ERCC6L: variants seen among roughly 807,000 people sequenced by gnomAD.
ERCC6L encodes the protein ERCC excision repair 6 like, spindle assembly checkpoint helicase.
A neutral mutation model predicts 20.1 loss-of-function variants in ERCC6L; 7 were observed. The ratio of observed to expected loss-of-function variants is 0.35; its 90% CI spans 0.20 to 0.65. The LOEUF (loss-of-function observed/expected upper bound fraction) is 0.65. ERCC6L is among the 30% of genes least tolerant of loss of function. The probability of loss-of-function intolerance (pLI) is 0.69; values close to 1 mark genes in which losing one functional copy is unlikely to be tolerated. For missense variants in ERCC6L, 592 were observed against 892.4 expected (o/e 0.66, Z 4.29); for synonymous variants, 278 against 331.3 (o/e 0.84, Z 1.75).
In ERCC6L at chrX:72,207,862, G is replaced by A. The variant is rs775318402; in HGVS notation, c.905C>T (p.Ala302Val). The change falls in exon 2 of 2, where the codon GCT (alanine) becomes GTT (valine). Residue 302 changes from alanine to valine, a missense_variant. Physicochemically the swap from Ala to Val is moderately conservative, Grantham distance 64. Around this residue, in one of 3 missense-constraint regions of ERCC6L, gnomAD observed 196 missense variants for 440.1 expected, o/e 0.45. Transcript: ENST00000334463. ...TCCCAAGGCTTTTTCTCCTGGGGTAGCATCCTTCTCTCTTGCTCTAGTAAT... is the reference window on the plus strand; with the variant it reads ...TCCCAAGGCTTTTTCTCCTGGGGTAACATCCTTCTCTCTTGCTCTAGTAAT... ...NPITRAREKD[A>V]TPGEKALGFK... The A allele has an allele frequency of 8.3e-7, 1 of 1,208,862 alleles. No homozygotes were observed. Among genetic ancestry groups the A allele is most frequent in the East Asian group, 3.0e-5 (1 of 33,821 alleles).
intron 1 of ERCC6L, among the ~76,000 whole-genome samples, chrX:72,231,465 A>T (rs1388373943): frequency 8.9e-6 from 1 of 111,787 alleles, no homozygotes; most frequent in Non-Finnish European, 1.9e-5. Context: ...TCAGTTAAAC[A>T]GGAGGAATAG....
At chrX:72,230,242 A>G (rs773103614) in intron 1 of ERCC6L, among the ~76,000 whole-genome samples, 30 of 110,913 alleles carry the variant, frequency 2.7e-4, no homozygotes, top group African/African-American at 9.8e-4. Flanking sequence ...ACCTCATCAT[A>G]TCCCACAATT....
chrX:72,207,600 A>G lies in ERCC6L; in HGVS notation c.1167T>C (p.His389=), dbSNP rs1470971581. The G allele has an allele frequency of 5.0e-6, 6 of 1,209,868 alleles. No homozygotes were observed. The highest frequency in any genetic ancestry group is 6.7e-6 in the Non-Finnish European group (6 of 895,213). ...EIYRKFVSLD[H]IKELLMETRS... is the part of the protein sequence containing the mutation. Reference sequence around the variant, plus strand: ...GCGTCTCCATTAGCAACTCCTTGATATGATCTAAAGACACAAATTTCCTGT... The same window carrying G: ...GCGTCTCCATTAGCAACTCCTTGATGTGATCTAAAGACACAAATTTCCTGT... The change falls in exon 2 of 2, where the codon CAT becomes CAC. Residue 389 remains histidine, a synonymous_variant. Transcript: ENST00000334463.
chrX:72,213,325 C>G (rs1000976185), intron 1 of ERCC6L, among the ~76,000 whole-genome samples: 1 of 111,823 alleles, frequency 8.9e-6, no homozygotes, highest in African/African-American at 3.3e-5. Flanking sequence ...AGGCTAAAAG[C>G]AGGAGGTAAA....
At position 72,206,335 on chromosome X, in the gene ERCC6L, A is replaced by G; in HGVS notation, c.2432T>C (p.Ile811Thr). 2.1e-5 allele frequency: 26 copies of G among 1,210,138 alleles called. No homozygotes were observed. The highest frequency in any genetic ancestry group is 2.9e-5 in the Non-Finnish European group (26 of 894,462). The change falls in exon 2 of 2, where the codon ATA (isoleucine) becomes ACA (threonine). Residue 811 changes from isoleucine to threonine, a missense_variant. By Grantham distance (89) the Ile-to-Thr change is moderately conservative. Around this residue, in one of 3 missense-constraint regions of ERCC6L, gnomAD observed 352 missense variants for 402.6 expected, o/e 0.87. Coordinates refer to ENST00000334463, the MANE Select transcript of ERCC6L (RefSeq NM_017669.4). The part of the protein sequence containing the change: ...DGKGTGSADS[I>T]ATLPKGFGSV... ...TCCAAACCCCTTTGGTAAAGTAGCT[A>G]TAGAGTCAGCACTACCTGTACCTTT...
Position 72,204,776 on chromosome X carries a change from AAC to A in ERCC6L, c.*236_*237del, listed in dbSNP as rs774647764. 4 of 242,350 alleles carry A rather than the reference AAC, an allele frequency of 1.7e-5. No homozygotes were observed. In the East Asian group the frequency reaches 2.1e-4, roughly 13 times the overall value. The allele number at this position is 242,350 out of a possible 1,213,427, so 20.0% of individuals were successfully genotyped here. The stretch of plus-strand genomic sequence containing the variant: ...AATTTTACAAAACTTTCCAAGAAAC[AAC>A]ACAGTTAAATTTATAGAATATGCCT... On this transcript the variant is annotated 3_prime_UTR_variant, in exon 2 of 2. Coordinates refer to ENST00000334463, the MANE Select transcript of ERCC6L (RefSeq NM_017669.4).
rs376875621 is a variant in ERCC6L at position 72,205,215 on chromosome X, C to G, written c.3552G>C (p.Gln1184His). Residue 1184 changes from glutamine (Q) to histidine (H), a missense_variant, in exon 2 of 2, where the codon CAG (glutamine) becomes CAC (histidine). Transcript: ENST00000334463. ...LGAPEPLSGE[Q>H]LVGSPQDKAA... ...CCTTATCCTGGGGAGAACCAACCAA[C>G]TGTTCACCAGACAAAGGCTCAGGGG... 3.3e-6 allele frequency: 4 copies of G among 1,210,021 alleles called. No individual in the cohort carries two copies. Among genetic ancestry groups the G allele is most frequent in the Non-Finnish European group, 3.4e-6 (3 of 895,257 alleles).
In ERCC6L at chrX:72,207,407, T is replaced by G; in HGVS notation, c.1360A>C (p.Thr454Pro). ...ATTTTTCCAGATTCTTCCATCAATG[T>G]GTCATCAGTTACTTGATCAATATGG... ...VDHIDQVTDD[T>P]LMEESGKMIF... Residue 454 changes from threonine (T) to proline (P), a missense_variant, in exon 2 of 2, where the codon ACA (threonine) becomes CCA (proline). By Grantham distance (38) the Thr-to-Pro change is conservative. Around this residue, in one of 3 missense-constraint regions of ERCC6L, gnomAD observed 196 missense variants for 440.1 expected, o/e 0.45. Coordinates refer to ENST00000334463, the MANE Select transcript of ERCC6L (RefSeq NM_017669.4). The G allele has an allele frequency of 8.3e-7, 1 of 1,211,268 alleles. No individual in the cohort carries two copies.
intron 1 of ERCC6L, among the ~76,000 whole-genome samples, chrX:72,215,951 G>A (rs2042884968): frequency 9.1e-6 from 1 of 110,365 alleles, no homozygotes; most frequent in Non-Finnish European, 1.9e-5. Flanking sequence ...CCTATAAAAT[G>A]TTGGCATTTC....
intron 1 of ERCC6L, among the ~76,000 whole-genome samples, chrX:72,224,817 C>A (rs886880342): frequency 9.0e-6 from 1 of 111,155 alleles, no homozygotes; most frequent in African/African-American, 3.3e-5. Context: ...AACACTGACT[C>A]CCCCATAATA....
intron 1 of ERCC6L, among the ~76,000 whole-genome samples, chrX:72,230,354 C>T (rs975089149): frequency 1.0e-4 from 11 of 109,883 alleles, no homozygotes; most frequent in Non-Finnish European, 2.1e-4. Context: ...GGAAAGATGT[C>T]TGCCCCAAGA....
intron 1 of ERCC6L, among the ~76,000 whole-genome samples, chrX:72,229,092 C>T (rs185289438): frequency 1.1e-3 from 121 of 111,565 alleles, no homozygotes; most frequent in South Asian, 4.9e-3. Flanking sequence ...CTCCCTGCAA[C>T]GCCTCAAGCC....
chrX:72,214,188 G>T, intron 1 of ERCC6L, among the ~76,000 whole-genome samples: 1 of 111,905 alleles, frequency 8.9e-6, no homozygotes, highest in Non-Finnish European at 1.9e-5. Context: ...CACTTTCAGG[G>T]ATGGTCATTT....
At chrX:72,212,013 G>A (rs2042857375) in intron 1 of ERCC6L, among the ~76,000 whole-genome samples, 1 of 111,321 alleles carries the variant, frequency 9.0e-6, no homozygotes. Context: ...GGTGGCTCAT[G>A]CCTGTAATCC....
rs149353979 is a variant in ERCC6L, at chrX:72,217,913, G to A, written c.69-9215C>T. Among the ~76,000 whole-genome samples, 931 of 111,472 alleles carry A rather than the reference G, an allele frequency of 8.4e-3. 8 individuals carry two copies. The highest frequency in any genetic ancestry group is 0.029 in the African/African-American group (880 of 30,663). On this transcript the variant is annotated intron_variant, in intron 1 of 1. Coordinates refer to ENST00000334463, the MANE Select transcript of ERCC6L (RefSeq NM_017669.4). ...CTGTCTTGACTACTGTAGCTTTGTC[G>A]TAAGTTTTGAATTTGGGAACTATGA...
At chrX:72,225,430 A>AT (rs979249916) in intron 1 of ERCC6L, among the ~76,000 whole-genome samples, 2 of 111,565 alleles carry the variant, frequency 1.8e-5, no homozygotes, top group Non-Finnish European at 3.8e-5. Flanking sequence ...AGGCTTTTAC[A>AT]TTTTTTGTCT....
At chrX:72,233,084 G>C (rs913528213) in intron 1 of ERCC6L, among the ~76,000 whole-genome samples, 6 of 111,510 alleles carry the variant, frequency 5.4e-5, no homozygotes, top group African/African-American at 2.0e-4. Flanking sequence ...TGCAAAGGAG[G>C]AATCAGATTG....
chrX:72,216,602 T>C (rs1387573040), intron 1 of ERCC6L, among the ~76,000 whole-genome samples: 1 of 111,587 alleles, frequency 9.0e-6, no homozygotes, highest in Non-Finnish European at 1.9e-5. Flanking sequence ...TGACATCTAA[T>C]CTACTGTTTG....
At chrX:72,223,933 G>T (rs1194081888) in intron 1 of ERCC6L, among the ~76,000 whole-genome samples, 5 of 110,970 alleles carry the variant, frequency 4.5e-5, no homozygotes, top group African/African-American at 1.6e-4. Flanking sequence ...GGTCTTTGGG[G>T]ACACTGGAAA....
Sources: gnomAD v4.1 joint callset for allele counts (sites outside exome capture counted in the v4.1 genomes callset) on GRCh38, gnomAD v4.1.1 for gene constraint, gnomAD v4.1.1 regional missense constraint, MANE v1.5 for transcripts, NCBI Gene and HGNC (gene_info 2026-07-23, HGNC 2026-07-21) for gene names.